SNRNP27: variants seen among roughly 807,000 people sequenced by gnomAD.
The protein encoded by SNRNP27 is U4/U6.U5 small nuclear ribonucleoprotein 27 kDa protein.
In SNRNP27, 22 loss-of-function variants were observed where a neutral mutation model predicts 25.1. The ratio of observed to expected loss-of-function variants is 0.88; its 90% confidence interval spans 0.63 to 1.25. The LOEUF (loss-of-function observed/expected upper bound fraction) is 1.25, where lower values mean the gene tolerates loss of function less well. Ranked by LOEUF, SNRNP27 falls within the 50% of genes most tolerant of loss-of-function variation. The pLI, the probability that SNRNP27 is intolerant of heterozygous loss-of-function variation, is 0.00. For synonymous variants in SNRNP27, 66 were observed against 64.9 expected (o/e 1.02, Z -0.08); for missense variants, 150 against 202.3 (o/e 0.74, Z 1.57).
Position 69,896,458 on chromosome 2 carries a change from A to T in SNRNP27, c.178A>T (p.Thr60Ser). ...RSRSPRRHRS[T>S]SPSPSRLKER... ...TAGATCTCCAAGACGACATAGATCC[A>T]CATCTCCTTCCCCTTCTCGACTGAA... Residue 60 changes from threonine (T) to serine (S), a missense_variant, in exon 3 of 6, where the codon ACA (threonine) becomes TCA (serine). This residue lies in a region of SNRNP27 where 142 missense variants were observed against 168.6 expected (regional missense o/e 0.84). Transcript: ENST00000244227. 6 of 1,612,268 alleles carry T rather than the reference A, an allele frequency of 3.7e-6. No individual in the cohort carries two copies. The highest frequency in any genetic ancestry group is 5.1e-6 in the Non-Finnish European group (6 of 1,179,196).
intron 3 of SNRNP27, 106 bp downstream of exon 3, chr2:69,896,654 A>G (rs1051827603): frequency 9.7e-6 from 11 of 1,135,972 alleles, no homozygotes; most frequent in African/African-American, 6.5e-5. Context: ...TATTCATTGC[A>G]TATGGTTTTG....
Position 69,894,030 on chromosome 2 carries a change from A to C in SNRNP27, c.34+12A>C, listed in dbSNP as rs199669440. ...CTCTCCACGGAGGGGTGAGTCCTGT[A>C]GCAATTCGGAGGATATGGGGCTCTG... On this transcript the variant is annotated intron_variant, in intron 1 of 5. Coordinates refer to ENST00000244227, the MANE Select transcript of SNRNP27 (RefSeq NM_006857.3). 3 of 1,611,994 alleles carry C rather than the reference A, an allele frequency of 1.9e-6. No homozygotes were observed. Among genetic ancestry groups the C allele is most frequent in the East Asian group, 2.2e-5 (1 of 44,856 alleles).
At chr2:69,901,421 G>T (rs1676696715) in intron 4 of SNRNP27, among the ~76,000 whole-genome samples, 1 of 152,164 alleles carries the variant, frequency 6.6e-6, no homozygotes, top group Non-Finnish European at 1.5e-5. Context: ...ACAAGAATTT[G>T]TGAAAAAGAG....
Position 69,895,121 on chromosome 2 carries a change from G to T in SNRNP27, c.62G>T (p.Arg21Leu), listed in dbSNP as rs1391184876. 6.2e-7 allele frequency: 1 copy of T among 1,613,668 alleles called. No homozygotes were observed. Among genetic ancestry groups the T allele is most frequent in the Admixed American group, 1.7e-5 (1 of 60,010 alleles). ...RERRRSRSTS[R>L]ERERRRRERS... Reference sequence around the variant, plus strand: ...CGTAGGCGTTCCCGGTCCACATCCCGGGAGAGAGAACGCAGGCGCCGAGAA... The same window carrying T: ...CGTAGGCGTTCCCGGTCCACATCCCTGGAGAGAGAACGCAGGCGCCGAGAA... Residue 21 changes from arginine (R) to leucine (L), a missense_variant, in exon 2 of 6, where the codon CGG becomes CTG. Transcript: ENST00000244227.
At position 69,895,479 on chromosome 2, in the gene SNRNP27, A is replaced by G. The variant is rs374731691; in HGVS notation, c.155+265A>G. Among the ~76,000 whole-genome samples, 71 of 152,344 alleles carry G rather than the reference A, an allele frequency of 4.7e-4. No homozygotes were observed. The highest frequency in any genetic ancestry group is 5.6e-4 in the Non-Finnish European group (38 of 68,026). On this transcript the variant is annotated intron_variant, in intron 2 of 5. Coordinates refer to ENST00000244227, the MANE Select transcript of SNRNP27 (RefSeq NM_006857.3). ...GCATGGTGCTTGGCAAGAAAAAGAA[A>G]TAAGTATTTTATATTTTTGTTTCTT...
At chr2:69,904,207 G>T (rs1339841475) in intron 5 of SNRNP27, 47 bp from the exon 6 acceptor site, 5 of 1,287,752 alleles carry the variant, frequency 3.9e-6, no homozygotes, top group Non-Finnish European at 5.4e-6. Flanking sequence ...TTTATAAGAG[G>T]AGTATAGGAT....
In SNRNP27 at chr2:69,898,199, C is replaced by T. The variant is rs1456294186; in HGVS notation, c.348+743C>T. Among the ~76,000 whole-genome samples, 2 of 99,122 alleles carry T rather than the reference C, an allele frequency of 2.0e-5. 1 individual carries two copies. The highest frequency in any genetic ancestry group is 3.7e-5 in the Non-Finnish European group (2 of 53,760). 65.0% of individuals were successfully genotyped at this position (99,122 alleles called of 152,430 possible). On this transcript the variant is annotated intron_variant, in intron 4 of 5. Coordinates refer to ENST00000244227, the MANE Select transcript of SNRNP27 (RefSeq NM_006857.3). ...CAGAACAGAGTTTCTGGAAGGGGAA[C>T]TGCTGGGAAATGGAAGAACAAAATC...
At chr2:69,896,822 C>G (rs1018758042) in intron 3 of SNRNP27, among the ~76,000 whole-genome samples, 1 of 151,692 alleles carries the variant, frequency 6.6e-6, no homozygotes, top group African/African-American at 2.4e-5. Context: ...TACAGGCACC[C>G]GCCACTATGC....
intron 5 of SNRNP27, 105 bp downstream of exon 5, chr2:69,903,350 A>C: frequency 1.2e-6 from 1 of 841,724 alleles, no homozygotes; most frequent in East Asian, 2.4e-5. Flanking sequence ...AGTTTTCCAT[A>C]CTGTTCCTTG....
chr2:69,902,254 T>C (rs568982427), intron 4 of SNRNP27, among the ~76,000 whole-genome samples: 2 of 148,654 alleles, frequency 1.3e-5, no homozygotes, highest in South Asian at 4.4e-4. Flanking sequence ...CCTTCCTCCT[T>C]CCTTCTTTCT....
At chr2:69,903,329 G>A in intron 5 of SNRNP27, 84 bp downstream of exon 5, 1 of 983,688 alleles carries the variant, frequency 1.0e-6, no homozygotes, top group Non-Finnish European at 1.6e-6. Flanking sequence ...CATGTTTGTA[G>A]GAAATGTAGC....
Position 69,903,047 on chromosome 2 carries a change from A to G in SNRNP27, c.349-134A>G, listed in dbSNP as rs569183200. 8 of 713,282 alleles carry G rather than the reference A, an allele frequency of 1.1e-5. No homozygotes were observed. In the East Asian group the frequency reaches 2.1e-4, roughly 19 times the overall value. 44.2% of individuals were successfully genotyped at this position (713,282 alleles called of 1,614,324 possible). The stretch of plus-strand genomic sequence containing the variant: ...AGTCCCAAACTCCTGGGCTCAAGCA[A>G]TCCTCCCACCTTAGCCTTCCGCCAA... On this transcript the variant is annotated intron_variant, in intron 4 of 5. Transcript: ENST00000244227.
At chr2:69,900,034 G>A (rs1470120242) in intron 4 of SNRNP27, among the ~76,000 whole-genome samples, 1 of 151,454 alleles carries the variant, frequency 6.6e-6, no homozygotes, top group Non-Finnish European at 1.5e-5. Flanking sequence ...TGTTGTCCAG[G>A]CTGTACTCAA....
At chr2:69,903,089 G>A (rs1333399595) in intron 4 of SNRNP27, 92 bp from the exon 5 acceptor site, 1 of 1,002,732 alleles carries the variant, frequency 1.0e-6, no homozygotes, top group East Asian at 2.4e-5. Flanking sequence ...GGGAGTACAG[G>A]TACATGCCAC....
intron 4 of SNRNP27, among the ~76,000 whole-genome samples, chr2:69,899,377 A>G (rs1420862554): frequency 6.6e-6 from 1 of 151,526 alleles, no homozygotes; most frequent in African/African-American, 2.4e-5. Context: ...ATAGTCACCC[A>G]TTTTCCTTTC....
In SNRNP27 at chr2:69,903,919, A is replaced by G. The variant is rs532602478; in HGVS notation, c.414-335A>G. Among the ~76,000 whole-genome samples the G allele has an allele frequency of 3.7e-4, 56 of 152,198 alleles. 1 individual carries two copies. The South Asian group carries it at 7.2e-3, about 20-fold the overall frequency. ...TTTGCTCAATGGGTGCCTGTTTTGG[A>G]ACTCTTTTCTATTTCTAAATTATAT... On this transcript the variant is annotated intron_variant, in intron 5 of 5. Coordinates refer to ENST00000244227, the MANE Select transcript of SNRNP27 (RefSeq NM_006857.3).
In SNRNP27 at chr2:69,904,371, T is replaced by C. The variant is rs556184634; in HGVS notation, c.*63T>C. On this transcript the variant is annotated 3_prime_UTR_variant, in exon 6 of 6. Coordinates refer to ENST00000244227, the MANE Select transcript of SNRNP27 (RefSeq NM_006857.3). The stretch of plus-strand genomic sequence containing the variant: ...TCTTGGTCAGAGAGTGGATTTTGTA[T>C]TTTGTATTTAACTTGCATTCAAAAA... 4 of 1,263,364 alleles carry C rather than the reference T, an allele frequency of 3.2e-6. No individual in the cohort carries two copies. In the African/African-American group the frequency reaches 5.9e-5, roughly 19 times the overall value. The allele number at this position is 1,263,364 out of a possible 1,614,324, so 78.3% of individuals were successfully genotyped here.
intron 2 of SNRNP27, among the ~76,000 whole-genome samples, chr2:69,895,549 T>A (rs1462879817): frequency 6.6e-6 from 1 of 152,232 alleles, no homozygotes; most frequent in Admixed American, 6.5e-5. Context: ...TTCCTTTCTT[T>A]TCCTCTTTTT....
At chr2:69,894,089 T>G (rs550833231) in intron 1 of SNRNP27, 71 bp downstream of exon 1, 1 of 1,436,574 alleles carries the variant, frequency 7.0e-7, no homozygotes, top group African/African-American at 1.4e-5. Context: ...TATTTTGTTT[T>G]GTTTTTGGTA....
Sources: allele counts gnomAD v4.1 joint callset (sites outside exome capture counted in the v4.1 genomes callset), GRCh38; gene constraint gnomAD v4.1.1; regional missense constraint gnomAD v4.1.1; transcripts MANE v1.5; gene names NCBI Gene and HGNC (gene_info 2026-07-23, HGNC 2026-07-21).